Variants in ANK1 observed in about 807,000 individuals in gnomAD.
ANK1 encodes ankyrin 1.
In ANK1, 51 loss-of-function variants were observed where a neutral mutation model predicts 210.4. That is an observed-to-expected ratio of 0.24 (90% CI 0.19 to 0.31). The LOEUF (loss-of-function observed/expected upper bound fraction) is 0.31, where lower values mean the gene tolerates loss of function less well. ANK1 is among the 10% of genes least tolerant of loss of function. The pLI, the probability that ANK1 is intolerant of heterozygous loss-of-function variation, is 1.00. For missense variants in ANK1, 2,051 were observed against 2,504.4 expected (o/e 0.82, Z 3.86); for synonymous variants, 967 against 1,025.9 (o/e 0.94, Z 1.10).
At chr8:41,845,110 C>T (rs1010324923) in intron 1 of ANK1, among the ~76,000 whole-genome samples, 6 of 152,256 alleles carry the variant, frequency 3.9e-5, no homozygotes, top group Admixed American at 2.0e-4. Flanking sequence ...CCAGGCCAGG[C>T]GCAGTGACTC....
At chr8:41,804,098 G>A (rs1021826468) in intron 1 of ANK1, among the ~76,000 whole-genome samples, 2 of 152,336 alleles carry the variant, frequency 1.3e-5, no homozygotes, top group East Asian at 3.9e-4. Flanking sequence ...GGGTGGTACT[G>A]GCACAGTGTC....
chr8:41,712,026 G>A (rs1483488700), intron 16 of ANK1, among the ~76,000 whole-genome samples: 1 of 152,040 alleles, frequency 6.6e-6, no homozygotes, highest in African/African-American at 2.4e-5. Context: ...CCGGGTTCAA[G>A]CGATTCTCCT....
chr8:41,690,317 C>T lies in ANK1; in HGVS notation c.4014G>A (p.Gly1338=). 1 of 1,614,242 alleles carries T rather than the reference C, an allele frequency of 6.2e-7. No homozygotes were observed. The highest frequency in any genetic ancestry group is 8.5e-7 in the Non-Finnish European group (1 of 1,180,048). ...KVRDSSREPG[G]SLSFLRKAMK... ...TCGCCTTGCGCAGAAACGACAGGGACCCTCCCGGCTCTCGACTGCTGTCCC... is the reference window on the plus strand; with the variant it reads ...TCGCCTTGCGCAGAAACGACAGGGATCCTCCCGGCTCTCGACTGCTGTCCC... Residue 1338 remains glycine, a synonymous_variant, in exon 33 of 43, where the codon GGG becomes GGA. Coordinates refer to ENST00000289734, the MANE Select transcript of ANK1 (RefSeq NM_000037.4).
At chr8:41,849,434 G>T (rs1273140389) in intron 1 of ANK1, among the ~76,000 whole-genome samples, 3 of 151,598 alleles carry the variant, frequency 2.0e-5, no homozygotes, top group Non-Finnish European at 4.4e-5. Context: ...TGAAGTAGAA[G>T]AATTGCTTGA....
At chr8:41,668,700 T>A (rs1811322735) in intron 38 of ANK1, 136 bp from the exon 39 acceptor site, 4 of 1,015,104 alleles carry the variant, frequency 3.9e-6, no homozygotes, top group South Asian at 3.3e-5. Context: ...CGTCCTCCCA[T>A]CCCTCCAAAG....
intron 1 of ANK1, among the ~76,000 whole-genome samples, chr8:41,778,088 A>G (rs1443059955): frequency 6.6e-6 from 1 of 152,204 alleles, no homozygotes; most frequent in Non-Finnish European, 1.5e-5. Context: ...CTTTTTCCTC[A>G]TTCATTTATT....
chr8:41,773,189 G>A (rs759279367), intron 1 of ANK1, among the ~76,000 whole-genome samples: 1 of 152,094 alleles, frequency 6.6e-6, no homozygotes, highest in Non-Finnish European at 1.5e-5. Context: ...AAGGTGTCCT[G>A]GGCACCCGGC....
Position 41,723,795 on chromosome 8 carries a change from T to TA in ANK1, c.712-163_712-162insT, listed in dbSNP as rs1308978290. 3.7e-4 allele frequency among the ~76,000 whole-genome samples: 55 copies of TA among 149,674 alleles called. 1 individual carries two copies. The highest frequency in any genetic ancestry group is 1.1e-3 in the African/African-American group (46 of 40,990). ...ATTTTATTTTTTTTTATTTTTTATT[T>TA]TTTTTTTTTTTTGAGACGGAGTCTC... is the stretch of plus-strand genomic sequence containing the variant. On this transcript the variant is annotated intron_variant, in intron 7 of 42. Coordinates refer to ENST00000289734, the MANE Select transcript of ANK1 (RefSeq NM_000037.4).
In ANK1 at chr8:41,731,963, G is replaced by A. The variant is rs137919222; in HGVS notation, c.228+2008C>T. ...CCTTCATCCACACGAAAAGCAGGGT[G>A]GGAACAATTGGAATTTGACATAGAA... On this transcript the variant is annotated intron_variant, in intron 3 of 42. Transcript: ENST00000289734. Among the ~76,000 whole-genome samples, 55 of 152,286 alleles carry A rather than the reference G, an allele frequency of 3.6e-4. No individual in the cohort carries two copies. The East Asian group carries it at 0.01, about 28-fold the overall frequency.
At chr8:41,770,401 G>C (rs1023027727) in intron 1 of ANK1, among the ~76,000 whole-genome samples, 20 of 152,196 alleles carry the variant, frequency 1.3e-4, no homozygotes, top group African/African-American at 4.8e-4. Flanking sequence ...TCTTAAAGGT[G>C]AGATAAACAG....
chr8:41,706,058 G>T, intron 18 of ANK1, 85 bp downstream of exon 18: 1 of 1,327,244 alleles, frequency 7.5e-7, no homozygotes, highest in Non-Finnish European at 1.1e-6. Context: ...CTGGGTCTTT[G>T]GGGTTTCAAA....
chr8:41,879,044 A>G (rs1817118513), intron 1 of ANK1, among the ~76,000 whole-genome samples: 1 of 152,200 alleles, frequency 6.6e-6, no homozygotes, highest in South Asian at 2.1e-4. Flanking sequence ...AGCCTGGGTG[A>G]CACAGTGAGA....
intron 1 of ANK1, among the ~76,000 whole-genome samples, chr8:41,783,928 G>T (rs2150750880): frequency 6.6e-6 from 1 of 152,144 alleles, no homozygotes; most frequent in East Asian, 1.9e-4. Context: ...GCTGTGCATG[G>T]TGGCATGCAC....
chr8:41,776,464 C>A (rs1430957189), intron 1 of ANK1, among the ~76,000 whole-genome samples: 1 of 152,100 alleles, frequency 6.6e-6, no homozygotes, highest in Non-Finnish European at 1.5e-5. Flanking sequence ...GTAACATCGT[C>A]ATGTAACCTC....
At chr8:41,731,042 C>T (rs1275867198) in intron 3 of ANK1, among the ~76,000 whole-genome samples, 2 of 152,290 alleles carry the variant, frequency 1.3e-5, no homozygotes, top group South Asian at 4.1e-4. Context: ...GATCTTGGTT[C>T]GGGCCAGCTG....
Position 41,796,979 on chromosome 8 carries a change from A to G in ANK1, c.27+533T>C, listed in dbSNP as rs79810702. Reference sequence around the variant, plus strand: ...TTCCTTCGTAGACATATTTCTCTCCATGAATTAACAACATAAATTAAAAGA... The same window carrying G: ...TTCCTTCGTAGACATATTTCTCTCCGTGAATTAACAACATAAATTAAAAGA... On this transcript the variant is annotated intron_variant, in intron 1 of 42. Transcript: ENST00000289734. 1.4e-3 allele frequency among the ~76,000 whole-genome samples: 210 copies of G among 152,276 alleles called. 2 individuals carry two copies. The East Asian group carries it at 0.028, about 20-fold the overall frequency.
chr8:41,740,631 C>T (rs1563629527), intron 2 of ANK1, among the ~76,000 whole-genome samples: 2 of 152,126 alleles, frequency 1.3e-5, no homozygotes, highest in African/African-American at 4.8e-5. Context: ...CCTAGGTCTA[C>T]GGTCTAAGGA....
At chr8:41,895,664 G>A (rs938351073) in intron 1 of ANK1, among the ~76,000 whole-genome samples, 5 of 152,254 alleles carry the variant, frequency 3.3e-5, no homozygotes, top group East Asian at 1.9e-4. Context: ...GCTTCCAAAG[G>A]AACTTCCCCT....
At chr8:41,828,031 G>C (rs957858089) in intron 1 of ANK1, 3 of 146,210 alleles carry the variant, frequency 2.1e-5, no homozygotes, top group African/African-American at 7.6e-5. Context: ...CCCACTGTTT[G>C]CAACTCTCCT....
Sources: gnomAD v4.1 joint callset for allele counts (sites outside exome capture counted in the v4.1 genomes callset) on GRCh38, gnomAD v4.1.1 for gene constraint, MANE v1.5 for transcripts, NCBI Gene and HGNC (gene_info 2026-07-23, HGNC 2026-07-21) for gene names.